CNR1: variants seen among roughly 807,000 people sequenced by gnomAD.
CNR1 encodes the protein cannabinoid receptor 1.
A neutral mutation model predicts 23.0 loss-of-function variants in CNR1; 10 were observed. The ratio of observed to expected loss-of-function variants is 0.43; its 90% CI spans 0.27 to 0.74. The LOEUF (loss-of-function observed/expected upper bound fraction) is 0.74, where lower values mean the gene tolerates loss of function less well. Ranked by LOEUF, CNR1 falls within the 30% of genes least tolerant of loss-of-function variation. The pLI, the probability that CNR1 is intolerant of heterozygous loss-of-function variation, is 0.19. For missense variants in CNR1, 422 were observed against 618.8 expected (o/e 0.68, Z 3.37); for synonymous variants, 271 against 255.2 (o/e 1.06, Z -0.59).
At chr6:88,161,330 G>A (rs6454673) in intron 1 of CNR1, among the ~76,000 whole-genome samples, 45,104 of 151,996 alleles carry the variant, frequency 0.3, 6,834 homozygotes, top group Middle Eastern at 0.37. Flanking sequence ...CCATTTGCTC[G>A]GGTTTTGGGA....
At chr6:88,160,878 T>C (rs760452003) in intron 1 of CNR1, among the ~76,000 whole-genome samples, 70 of 152,178 alleles carry the variant, frequency 4.6e-4, no homozygotes, top group Non-Finnish European at 1.5e-4. Flanking sequence ...AATAAAGAAA[T>C]GGTGAAGGAA....
At chr6:88,156,197 A>G (rs765050128) in intron 1 of CNR1, among the ~76,000 whole-genome samples, 4 of 152,194 alleles carry the variant, frequency 2.6e-5, no homozygotes, top group African/African-American at 4.8e-5. Flanking sequence ...CTGGTGCCCA[A>G]TGGATGTAAA....
intron 1 of CNR1, among the ~76,000 whole-genome samples, chr6:88,154,574 TTTTTTTTA>T (rs1053984075): frequency 1.3e-5 from 2 of 152,088 alleles, no homozygotes; most frequent in African/African-American, 4.8e-5. Context: ...AAGAAAGCAA[TTTTTTTTA>T]TTTTTTTATT....
chr6:88,146,718 C>T (rs1313327052), intron 1 of CNR1, among the ~76,000 whole-genome samples: 1 of 152,086 alleles, frequency 6.6e-6, no homozygotes, highest in African/African-American at 2.4e-5. Context: ...ATATCTATAA[C>T]AATTAAAATA....
At chr6:88,163,179 A>T (rs764409172) in intron 1 of CNR1, among the ~76,000 whole-genome samples, 1 of 152,240 alleles carries the variant, frequency 6.6e-6, no homozygotes, top group Non-Finnish European at 1.5e-5. Flanking sequence ...GACTTCTCCA[A>T]AATATTTCCT....
chr6:88,155,822 A>AT (rs1188334042), intron 1 of CNR1, among the ~76,000 whole-genome samples: 12 of 152,128 alleles, frequency 7.9e-5, no homozygotes, highest in African/African-American at 2.9e-4. Context: ...AACCTAAGTC[A>AT]TTTTTGCCAC....
At chr6:88,145,362 C>T in intron 1 of CNR1, 25 bp from the exon 2 acceptor site, 3 of 1,048,628 alleles carry the variant, frequency 2.9e-6, no homozygotes, top group Middle Eastern at 2.5e-4. Context: ...AACAAATAAG[C>T]CGAATGGTGA....
At chr6:88,146,955 C>T (rs1777223263) in intron 1 of CNR1, among the ~76,000 whole-genome samples, 1 of 152,116 alleles carries the variant, frequency 6.6e-6, no homozygotes, top group South Asian at 2.1e-4. Context: ...TGTATTATGT[C>T]TAGCTACGGT....
chr6:88,141,096 T>C lies in CNR1; in HGVS notation c.*2760A>G, dbSNP rs1562496194. On this transcript the variant is annotated 3_prime_UTR_variant, in exon 2 of 2. Transcript: ENST00000369501. ...AAGATACCTCTGATGTCAGACCTTA[T>C]AAAACTTACTTAAATTTAAATCATT... The C allele has an allele frequency of 6.6e-6, 1 of 152,306 alleles. No homozygotes were observed. The highest frequency in any genetic ancestry group is 1.5e-5 in the Non-Finnish European group (1 of 68,020). 9.4% of individuals were successfully genotyped at this position (152,306 alleles called of 1,614,324 possible).
In CNR1 at chr6:88,152,210, G is replaced by A. The variant is rs1235511966; in HGVS notation, c.-63-6873C>T. Among the ~76,000 whole-genome samples the A allele has an allele frequency of 9.2e-5, 10 of 108,518 alleles. No individual in the cohort carries two copies. The South Asian group carries it at 2.3e-3, about 25-fold the overall frequency. 71.2% of individuals were successfully genotyped at this position (108,518 alleles called of 152,430 possible). On this transcript the variant is annotated intron_variant, in intron 1 of 1. Coordinates refer to ENST00000369501, the MANE Select transcript of CNR1 (RefSeq NM_016083.6). ...AGCCTGGGCGACAGAGCGAGACTCC[G>A]TCTCAAAAAAAAAAAAAAAAAAAAA...
intron 1 of CNR1, among the ~76,000 whole-genome samples, chr6:88,147,097 C>A (rs1777234635): frequency 6.6e-6 from 1 of 152,020 alleles, no homozygotes; most frequent in Non-Finnish European, 1.5e-5. Flanking sequence ...CTGAGACCAT[C>A]CTGGCCAACA....
rs1268745383 is a variant in CNR1 at position 88,141,217 on chromosome 6, C to G, written c.*2639G>C. ...TTCATTGGGGACAATGTTTTCGTCA[C>G]TTGGGTTAAGAAATGATATGAAAAG... On this transcript the variant is annotated 3_prime_UTR_variant, in exon 2 of 2. Transcript: ENST00000369501. 2.0e-5 allele frequency: 3 copies of G among 152,630 alleles called. No individual in the cohort carries two copies. The highest frequency in any genetic ancestry group is 4.4e-5 in the Non-Finnish European group (3 of 68,020). 9.5% of individuals were successfully genotyped at this position (152,630 alleles called of 1,614,324 possible). A position where few individuals can be genotyped will look rare whatever the true frequency, so the allele number is the denominator to read the frequency against.
chr6:88,162,372 C>T (rs955176935), intron 1 of CNR1, among the ~76,000 whole-genome samples: 6 of 152,124 alleles, frequency 3.9e-5, no homozygotes, highest in South Asian at 2.1e-4. Context: ...TCCAAAATTA[C>T]GCAATATATA....
rs930133413 is a variant in CNR1, at chr6:88,160,153, C to A, written c.-64+5650G>T. 3.3e-5 allele frequency among the ~76,000 whole-genome samples: 5 copies of A among 152,066 alleles called. 1 individual carries two copies. The highest frequency in any genetic ancestry group is 7.2e-5 in the African/African-American group (3 of 41,408). On this transcript the variant is annotated intron_variant, in intron 1 of 1. Coordinates refer to ENST00000369501, the MANE Select transcript of CNR1 (RefSeq NM_016083.6). ...GACCAGCGTGGCCAACATGGTGAAA[C>A]CCCGTCTGCACGAAAAATACAAAAA...
Position 88,143,153 on chromosome 6 carries a change from A to G in CNR1, c.*703T>C, listed in dbSNP as rs1776921094. On this transcript the variant is annotated 3_prime_UTR_variant, in exon 2 of 2. Coordinates refer to ENST00000369501, the MANE Select transcript of CNR1 (RefSeq NM_016083.6). ...TTTAAGTATGAATGAATTCTGCTCA[A>G]TATTTTGAAGTCTTCAAATTCTTCT... 6.6e-6 allele frequency: 1 copy of G among 152,396 alleles called. No individual in the cohort carries two copies. The highest frequency in any genetic ancestry group is 2.4e-5 in the African/African-American group (1 of 41,470). 9.4% of individuals were successfully genotyped at this position (152,396 alleles called of 1,614,324 possible).
Position 88,144,215 on chromosome 6 carries a change from T to C in CNR1, c.1060A>G (p.Ile354Val). The C allele has an allele frequency of 6.2e-7, 1 of 1,612,324 alleles. No homozygotes were observed. Among genetic ancestry groups the C allele is most frequent in the Non-Finnish European group, 8.5e-7 (1 of 1,179,972 alleles). ...ATTGCAAGCAGAGGGCCCCAGCAGA[T>C]GATCAACACCACCAGGATCAGGACC... ...TLVLILVVLIICWGPLLAIMV... is the reference protein window; with the variant it reads ...TLVLILVVLIVCWGPLLAIMV... The change falls in exon 2 of 2, where the codon ATC (isoleucine) becomes GTC (valine). Residue 354 changes from isoleucine (I) to valine (V), a missense_variant. Ile to Val is a conservative substitution (Grantham distance 29). This residue lies in a region of CNR1 where 211 missense variants were observed against 357.3 expected (regional missense o/e 0.59). Transcript: ENST00000369501. The surrounding 1 kb of genome is among the most constrained non-coding windows in gnomAD (Gnocchi z 7.8).
chr6:88,163,367 T>C, intron 1 of CNR1, among the ~76,000 whole-genome samples: 1 of 152,248 alleles, frequency 6.6e-6, no homozygotes, highest in East Asian at 1.9e-4. Context: ...TTTGGCCAAC[T>C]GTTTTCTGGT....
chr6:88,145,481 A>G (rs1221281735), intron 1 of CNR1, 144 bp from the exon 2 acceptor site: 8 of 541,312 alleles, frequency 1.5e-5, no homozygotes, highest in Non-Finnish European at 2.6e-5. Context: ...CATCAGATTC[A>G]GTCAACAAAA....
rs747302947 is a variant in CNR1 at position 88,144,772 on chromosome 6, A to G, written c.503T>C (p.Val168Ala). The G allele has an allele frequency of 6.2e-7, 1 of 1,614,102 alleles. No individual in the cohort carries two copies. Among genetic ancestry groups the G allele is most frequent in the South Asian group, 1.1e-5 (1 of 91,064 alleles). The change falls in exon 2 of 2, where the codon GTC becomes GCC. Residue 168 changes from valine (V) to alanine (A), a missense_variant. Val to Ala is a moderately conservative substitution (Grantham distance 64). This residue lies in a region of CNR1 where 211 missense variants were observed against 357.3 expected (regional missense o/e 0.59). Transcript: ENST00000369501. The surrounding 1 kb of genome is among the most constrained non-coding windows in gnomAD (Gnocchi z 7.8). The stretch of plus-strand genomic sequence containing the variant: ...GTCAATGAAGCTGTAGACAAAAATG[A>G]CACTCCCCAGGAGGTCTGCCACCGC... Reference protein sequence around the residue: ...SLAVADLLGSVIFVYSFIDFH... With the variant: ...SLAVADLLGSAIFVYSFIDFH...
Sources: allele counts gnomAD v4.1 joint callset (sites outside exome capture counted in the v4.1 genomes callset), GRCh38; gene constraint gnomAD v4.1.1; regional missense constraint gnomAD v4.1.1; non-coding constraint Gnocchi (gnomAD v3.1); transcripts MANE v1.5; gene names NCBI Gene and HGNC (gene_info 2026-07-23, HGNC 2026-07-21).